PCNX3: variants seen among roughly 807,000 people sequenced by gnomAD.
PCNX3 encodes the protein pecanex 3.
A neutral mutation model predicts 207.2 loss-of-function variants in PCNX3; 58 were observed. That is an observed-to-expected ratio of 0.28 (90% CI 0.23 to 0.35). The LOEUF (loss-of-function observed/expected upper bound fraction) is 0.35, where lower values mean the gene tolerates loss of function less well. Ranked by LOEUF, PCNX3 falls within the 10% of genes least tolerant of loss-of-function variation. PCNX3 has a pLI of 1.00. For missense variants in PCNX3, 2,410 were observed against 2,774.4 expected, an observed-to-expected ratio of 0.87 and a Z score of 2.95; for synonymous variants, 1,337 against 1,183.5, an observed-to-expected ratio of 1.13 and a Z score of -2.66.
In PCNX3 at chr11:65,627,485, C is replaced by T. The variant is rs1022615807; in HGVS notation, c.3605C>T (p.Thr1202Met). 5.6e-6 allele frequency: 9 copies of T among 1,613,710 alleles called. No homozygotes were observed. Among genetic ancestry groups the T allele is most frequent in the Middle Eastern group, 1.6e-4 (1 of 6,084 alleles). The part of the protein sequence containing the change: ...AFCCPPQQYL[T>M]LAFTVLLFHF... ...TGCTGCCCCCCACAGCAGTACCTGACGTTGGCCTTCACCGTCCTGCTCTTC... is the reference window on the plus strand; with the variant it reads ...TGCTGCCCCCCACAGCAGTACCTGATGTTGGCCTTCACCGTCCTGCTCTTC... The change falls in exon 22 of 35, where the codon ACG becomes ATG. Residue 1202 changes from threonine to methionine, a missense_variant. Thr to Met is a moderately conservative substitution (Grantham distance 81, BLOSUM62 -1). Coordinates refer to ENST00000355703, the MANE Select transcript of PCNX3 (RefSeq NM_032223.4).
At position 65,629,567 on chromosome 11, in the gene PCNX3, C is replaced by A. The variant is rs889924353; in HGVS notation, c.4048C>A (p.Arg1350Ser). Residue 1350 changes from arginine to serine, a missense_variant, in exon 26 of 35, where the codon CGT becomes AGT. Around this residue, in one of 8 missense-constraint regions of PCNX3, gnomAD observed 420 missense variants for 705.3 expected, o/e 0.60. Transcript: ENST00000355703. Reference sequence around the variant, plus strand: ...CTCCATCTTCTATGAGCACTTGACACGTTCGCTGCAGCACACACTGTGTGG... The same window carrying A: ...CTCCATCTTCTATGAGCACTTGACAAGTTCGCTGCAGCACACACTGTGTGG... ...LNSIFYEHLT[R>S]SLQHTLCGDL... The A allele has an allele frequency of 1.9e-6, 3 of 1,613,664 alleles. No individual in the cohort carries two copies. The highest frequency in any genetic ancestry group is 1.1e-5 in the South Asian group (1 of 91,042).
chr11:65,619,434 G>A, intron 6 of PCNX3, 103 bp from the exon 7 acceptor site: 13 of 1,508,840 alleles, frequency 8.6e-6, no homozygotes, highest in South Asian at 1.3e-5. Flanking sequence ...GGGCGTGGTT[G>A]TACTAGGCCT....
chr11:65,617,622 C>G lies in PCNX3; in HGVS notation c.493C>G (p.Leu165Val). ...GGCCATGGTTGCAGACATCAAGGAG[C>G]TGGTGCGGGAGCAGGGCAGCAACAA... is the stretch of plus-strand genomic sequence containing the variant. Reference protein sequence around the residue: ...DSGPLRDIKELVREQGSNNVI... With the variant: ...DSGPLRDIKEVVREQGSNNVI... The change falls in exon 5 of 35, where the codon CTG becomes GTG. Residue 165 changes from leucine to valine, a missense_variant. Around this residue, in one of 8 missense-constraint regions of PCNX3, gnomAD observed 1,104 missense variants for 970.3 expected, o/e 1.14. Coordinates refer to ENST00000355703, the MANE Select transcript of PCNX3 (RefSeq NM_032223.4). 1 of 1,610,722 alleles carries G rather than the reference C, an allele frequency of 6.2e-7. No individual in the cohort carries two copies. The highest frequency in any genetic ancestry group is 2.2e-5 in the East Asian group (1 of 44,838).
Position 65,619,094 on chromosome 11 carries a change from C to T in PCNX3, c.1705+27C>T, listed in dbSNP as rs576713424. The T allele has an allele frequency of 3.2e-6, 5 of 1,549,112 alleles. No individual in the cohort carries two copies. The African/African-American group carries it at 5.4e-5, about 17-fold the overall frequency. On this transcript the variant is annotated intron_variant, in intron 6 of 34. Coordinates refer to ENST00000355703, the MANE Select transcript of PCNX3 (RefSeq NM_032223.4). Reference sequence around the variant, plus strand: ...TGAGTGCTTGCTCTAGAGGCAGGGGCTGGGGGACGTGAGCTACGGGCTTGG... The same window carrying T: ...TGAGTGCTTGCTCTAGAGGCAGGGGTTGGGGGACGTGAGCTACGGGCTTGG...
chr11:65,623,095 C>T (rs547265850), intron 11 of PCNX3, among the ~76,000 whole-genome samples: 2 of 152,324 alleles, frequency 1.3e-5, no homozygotes, highest in African/African-American at 4.8e-5. Flanking sequence ...ATGTGGCTTC[C>T]CGTCCATCTG....
In PCNX3 at chr11:65,628,941, G is replaced by A. The variant is rs370416138; in HGVS notation, c.3934G>A (p.Asp1312Asn). The A allele has an allele frequency of 3.5e-5, 56 of 1,611,396 alleles. No individual in the cohort carries two copies. The highest frequency in any genetic ancestry group is 4.4e-5 in the Non-Finnish European group (52 of 1,179,810). Residue 1312 changes from aspartate (D) to asparagine (N), a missense_variant, in exon 24 of 35, where the codon GAC becomes AAC. Physicochemically the swap from Asp to Asn is conservative, Grantham distance 23. Coordinates refer to ENST00000355703, the MANE Select transcript of PCNX3 (RefSeq NM_032223.4). ...TCGGCCCCTCAAGTTCTGGGAGCGC[G>A]ACTACAAGTGAGTCTCACAGGAGGC... The part of the protein sequence containing the change: ...YARPLKFWER[D>N]YNTKRVDHSN...
chr11:65,633,538 T>C (rs1368799226), intron 27 of PCNX3, among the ~76,000 whole-genome samples: 1 of 152,068 alleles, frequency 6.6e-6, no homozygotes, highest in African/African-American at 2.4e-5. Context: ...CCCCACTCGC[T>C]CCCCGCCCCC....
At position 65,625,400 on chromosome 11, in the gene PCNX3, C is replaced by T. The variant is rs544314270; in HGVS notation, c.3030-5C>T. On this transcript the variant is annotated splice_region_variant and splice_polypyrimidine_tract_variant and intron_variant, in intron 17 of 34. Transcript: ENST00000355703. This position sits in a 1 kb window ranked among gnomAD's most constrained non-coding sequence, Gnocchi z 5.6. ...GGCCTCCTCCTGACTCTTCCTCACCCCCAGGTCTCTGATCCGGAGCAAGCT... is the reference window on the plus strand; with the variant it reads ...GGCCTCCTCCTGACTCTTCCTCACCTCCAGGTCTCTGATCCGGAGCAAGCT... 6.9e-6 allele frequency: 11 copies of T among 1,602,554 alleles called. No individual in the cohort carries two copies. Among genetic ancestry groups the T allele is most frequent in the Non-Finnish European group, 9.3e-6 (11 of 1,177,936 alleles).
intron 27 of PCNX3, among the ~76,000 whole-genome samples, chr11:65,631,094 G>A (rs935730079): frequency 6.6e-6 from 1 of 152,220 alleles, no homozygotes; most frequent in Non-Finnish European, 1.5e-5. Flanking sequence ...GCTTGCAGAG[G>A]TTCCAGAATC....
In PCNX3 at chr11:65,636,240, G is replaced by T; in HGVS notation, c.5526G>T (p.Gly1842=). The change falls in exon 33 of 35, where the codon GGG becomes GGT. Residue 1842 remains glycine (G), a synonymous_variant. Transcript: ENST00000355703. ...GGNVDDSDCS[G]GGGLTSLSNN... is the part of the protein sequence containing the mutation. ...ACGTGGATGATTCAGACTGTAGTGG[G>T]GGCGGTGGCCTGACCTCCCTCAGCA... The T allele has an allele frequency of 6.3e-7, 1 of 1,585,468 alleles. No homozygotes were observed.
Position 65,636,831 on chromosome 11 carries a change from A to AC in PCNX3, c.5964dup (p.Arg1989GlnfsTer15). On this transcript the variant is annotated frameshift_variant, in exon 35 of 35. Transcript: ENST00000355703. LOFTEE classifies it high-confidence loss of function. ...GCCCCGATGTCAGCACTGAGGCCTC[A>AC]CCCCCCAGAGCTTCCCAGGACATTC... The AC allele has an allele frequency of 2.6e-6, 4 of 1,542,910 alleles. No individual in the cohort carries two copies. The highest frequency in any genetic ancestry group is 2.0e-5 in the Admixed American group (1 of 50,168).
rs1280376238 is a variant in PCNX3, at chr11:65,620,811, G to C, written c.2100-20G>C. On this transcript the variant is annotated intron_variant, in intron 9 of 34. Transcript: ENST00000355703. ...CAGGGCTCGCCCGTGGGGGGATCCTGATGGCTGCTGTTCTCACAGGGACCG... is the reference window on the plus strand; with the variant it reads ...CAGGGCTCGCCCGTGGGGGGATCCTCATGGCTGCTGTTCTCACAGGGACCG... 3.8e-6 allele frequency: 6 copies of C among 1,591,810 alleles called. No individual in the cohort carries two copies. Among genetic ancestry groups the C allele is most frequent in the Non-Finnish European group, 5.1e-6 (6 of 1,170,276 alleles).
chr11:65,619,716 G>C (rs1360081924), intron 7 of PCNX3, 38 bp from the exon 8 acceptor site: 1 of 1,562,354 alleles, frequency 6.4e-7, no homozygotes, highest in Admixed American at 1.8e-5. Flanking sequence ...GGGCCCGCAA[G>C]CTCTAGCTGG....
rs753085887 is a variant in PCNX3 at position 65,616,797 on chromosome 11, A to G, written c.154-27A>G. On this transcript the variant is annotated intron_variant, in intron 1 of 34. Transcript: ENST00000355703. ...CCTGTGGGGGCGAGGCTTTGTGAAA[A>G]GGGACCTGGCTTACTTTCATCTTCA... 7 of 1,595,652 alleles carry G rather than the reference A, an allele frequency of 4.4e-6. No homozygotes were observed. The Admixed American group carries it at 8.5e-5, about 19-fold the overall frequency.
Position 65,618,081 on chromosome 11 carries a change from T to C in PCNX3, c.719T>C (p.Leu240Pro), listed in dbSNP as rs1854847200. 5.6e-6 allele frequency: 9 copies of C among 1,608,710 alleles called. No individual in the cohort carries two copies. The highest frequency in any genetic ancestry group is 7.6e-6 in the Non-Finnish European group (9 of 1,178,074). ...SSMADTPMSP[L>P]LKGSLSQELS... ...ATGGCTGACACTCCCATGAGCCCCC[T>C]GCTGAAGGGGAGCCTCAGCCAGGAG... The change falls in exon 6 of 35, where the codon CTG (leucine) becomes CCG (proline). Residue 240 changes from leucine (L) to proline (P), a missense_variant. Around this residue, in one of 8 missense-constraint regions of PCNX3, gnomAD observed 1,104 missense variants for 970.3 expected, o/e 1.14. Coordinates refer to ENST00000355703, the MANE Select transcript of PCNX3 (RefSeq NM_032223.4).
In PCNX3 at chr11:65,634,129, A is replaced by G; in HGVS notation, c.4474A>G (p.Ile1492Val). The G allele has an allele frequency of 1.2e-6, 2 of 1,611,242 alleles. No individual in the cohort carries two copies. The highest frequency in any genetic ancestry group is 1.7e-6 in the Non-Finnish European group (2 of 1,179,480). ...KILITYYVKS[I>V]IYYVSRSPKL... ...ACGCCTGCCCCTCCTCTCCCAGAGCATCATCTACTACGTGAGCCGCTCACC... is the reference window on the plus strand; with the variant it reads ...ACGCCTGCCCCTCCTCTCCCAGAGCGTCATCTACTACGTGAGCCGCTCACC... The change falls in exon 28 of 35, where the codon ATC becomes GTC. Residue 1492 changes from isoleucine to valine, a missense_variant. Coordinates refer to ENST00000355703, the MANE Select transcript of PCNX3 (RefSeq NM_032223.4).
chr11:65,620,591 GTCCCTGGC>G (rs1243255115), intron 9 of PCNX3, among the ~76,000 whole-genome samples, 162 bp downstream of exon 9: 1 of 152,172 alleles, frequency 6.6e-6, no homozygotes, highest in African/African-American at 2.4e-5. Flanking sequence ...ACCTCCTGGG[GTCCCTGGC>G]TCCATGACAC....
chr11:65,623,787 C>A, intron 12 of PCNX3, 142 bp from the exon 13 acceptor site: 1 of 1,517,196 alleles, frequency 6.6e-7, no homozygotes, highest in South Asian at 1.2e-5. Context: ...CTTTTACAAG[C>A]AAGAAAACTG....
chr11:65,617,757 T>C, intron 5 of PCNX3, 51 bp downstream of exon 5: 5 of 1,539,948 alleles, frequency 3.2e-6, no homozygotes, highest in East Asian at 4.9e-5. Context: ...AGCTGTTTCG[T>C]TGTTGAATCC....
Sources: allele counts gnomAD v4.1 joint callset (sites outside exome capture counted in the v4.1 genomes callset), GRCh38; gene constraint gnomAD v4.1.1; regional missense constraint gnomAD v4.1.1; non-coding constraint Gnocchi (gnomAD v3.1); transcripts MANE v1.5; gene names NCBI Gene and HGNC (gene_info 2026-07-23, HGNC 2026-07-21).